The following CFAP44 variants were observed in gnomAD, a reference collection of about 807,000 sequenced individuals.
CFAP44 encodes the protein cilia and flagella associated protein 44, also known as cilia- and flagella-associated protein 44.
CFAP44 carries 134 observed loss-of-function variants against 216.2 expected under a neutral mutation model. The ratio of observed to expected loss-of-function variants is 0.62; its 90% CI spans 0.54 to 0.72. CFAP44 has a LOEUF of 0.72. Ranked by LOEUF, CFAP44 falls within the 30% of genes least tolerant of loss-of-function variation. The pLI, the probability that CFAP44 is intolerant of heterozygous loss-of-function variation, is 0.00. For synonymous variants in CFAP44, 700 were observed against 727.6 expected, an observed-to-expected ratio of 0.96 and a Z score of 0.61; for missense variants, 2,035 against 2,182.1, an observed-to-expected ratio of 0.93 and a Z score of 1.34.
At chr3:113,373,302 T>C in intron 18 of CFAP44, 109 bp downstream of exon 18, 1 of 1,080,808 alleles carries the variant, frequency 9.3e-7, no homozygotes. Context: ...ATTTTTTGAG[T>C]ACCCCTTCAT....
intron 28 of CFAP44, among the ~76,000 whole-genome samples, chr3:113,317,703 C>T (rs1950101816): frequency 1.3e-5 from 2 of 152,214 alleles, no homozygotes; most frequent in Admixed American, 1.3e-4. Context: ...GGGGAGGAGC[C>T]CTCACTCTCA....
At chr3:113,436,059 A>G (rs987071963) in intron 1 of CFAP44, among the ~76,000 whole-genome samples, 3 of 152,098 alleles carry the variant, frequency 2.0e-5, no homozygotes, top group African/African-American at 7.2e-5. Flanking sequence ...ACCTGTAAGT[A>G]GCAAAATCTT....
chr3:113,339,340 C>A (rs1950309611), intron 24 of CFAP44, among the ~76,000 whole-genome samples: 1 of 152,182 alleles, frequency 6.6e-6, no homozygotes, highest in African/African-American at 2.4e-5. Context: ...GCCCTCATTC[C>A]TTTCCTTCTT....
chr3:113,327,531 G>A (rs1363541635), intron 27 of CFAP44, 85 bp downstream of exon 27: 4 of 1,225,550 alleles, frequency 3.3e-6, no homozygotes, highest in Non-Finnish European at 3.4e-6. Flanking sequence ...AGAACAAGTG[G>A]GAGATTTGAG....
chr3:113,432,946 A>C (rs1935143225), intron 2 of CFAP44, among the ~76,000 whole-genome samples: 1 of 151,976 alleles, frequency 6.6e-6, no homozygotes, highest in African/African-American at 2.4e-5. Context: ...GGAGGTGAAA[A>C]TTCTCCTTTC....
rs1012283702 is a variant in CFAP44 at position 113,287,689 on chromosome 3, G to A, written c.*3868C>T. ...AAGGGAACCGTTGTACAACAGACCAGGAAAAACAGGTTCATAGTTCTCTTA... is the reference window on the plus strand; with the variant it reads ...AAGGGAACCGTTGTACAACAGACCAAGAAAAACAGGTTCATAGTTCTCTTA... On this transcript the variant is annotated 3_prime_UTR_variant, in exon 35 of 35. Coordinates refer to ENST00000393845, the MANE Select transcript of CFAP44 (RefSeq NM_001164496.2). 6 of 152,156 alleles carry A rather than the reference G, an allele frequency of 3.9e-5. No individual in the cohort carries two copies. The highest frequency in any genetic ancestry group is 1.4e-4 in the African/African-American group (6 of 41,424). 9.4% of individuals were successfully genotyped at this position (152,156 alleles called of 1,614,324 possible).
At chr3:113,408,254 G>A (rs1315184450) in intron 7 of CFAP44, among the ~76,000 whole-genome samples, 1 of 152,212 alleles carries the variant, frequency 6.6e-6, no homozygotes. Context: ...GGAAGAAAGA[G>A]AGAGAAAGAC....
chr3:113,321,601 T>G (rs545234481), intron 28 of CFAP44, among the ~76,000 whole-genome samples: 1 of 152,326 alleles, frequency 6.6e-6, no homozygotes, highest in South Asian at 2.1e-4. Flanking sequence ...GGTGATATGA[T>G]TCTATACTTA....
At chr3:113,369,501 G>T (rs1933076134) in intron 18 of CFAP44, among the ~76,000 whole-genome samples, 1 of 152,154 alleles carries the variant, frequency 6.6e-6, no homozygotes, top group South Asian at 2.1e-4. Flanking sequence ...CAAAATGAAG[G>T]CAGAAATAAA....
At position 113,374,363 on chromosome 3, in the gene CFAP44, T is replaced by TTTTATTTATTTATTTA. The variant is rs148186633; in HGVS notation, c.2299-823_2299-808dup. 3.6e-3 allele frequency among the ~76,000 whole-genome samples: 529 copies of TTTTATTTATTTATTTA among 146,758 alleles called. 2 individuals carry two copies. Among genetic ancestry groups the TTTTATTTATTTATTTA allele is most frequent in the African/African-American group, 5.0e-3 (201 of 39,994 alleles). ...ACTCCCTGGAGCAACTGTCAATTTC[T>TTTTATTTATTTATTTA]TTTATTTATTTATTTATTTATTTAT... On this transcript the variant is annotated intron_variant, in intron 17 of 34. Transcript: ENST00000393845.
chr3:113,288,580 C>A lies in CFAP44; in HGVS notation c.*2977G>T, dbSNP rs889405911. The A allele has an allele frequency of 1.1e-4, 17 of 152,246 alleles. No individual in the cohort carries two copies. Among genetic ancestry groups the A allele is most frequent in the Admixed American group, 9.8e-4 (15 of 15,288 alleles). The allele number at this position is 152,246 out of a possible 1,614,324, so 9.4% of individuals were successfully genotyped here. A position where few individuals can be genotyped will look rare whatever the true frequency, so the allele number is the denominator to read the frequency against. ...AGAGGCCCCCCAATCTGAGCTGTAA[C>A]TCACCTTCTAGCCCCACTGGTTTTT... On this transcript the variant is annotated 3_prime_UTR_variant, in exon 35 of 35. Transcript: ENST00000393845.
chr3:113,423,835 A>G (rs897723422), intron 4 of CFAP44, among the ~76,000 whole-genome samples: 4 of 152,230 alleles, frequency 2.6e-5, no homozygotes, highest in Non-Finnish European at 4.4e-5. Context: ...AGACTCCAGC[A>G]CAGCCACGTG....
intron 1 of CFAP44, among the ~76,000 whole-genome samples, chr3:113,440,183 C>T (rs1488838013): frequency 1.3e-5 from 2 of 152,132 alleles, no homozygotes; most frequent in Non-Finnish European, 2.9e-5. Flanking sequence ...CGTGCCTCAG[C>T]CTCCCGAGTA....
chr3:113,350,487 G>A (rs1321913770), intron 22 of CFAP44, among the ~76,000 whole-genome samples: 2 of 152,190 alleles, frequency 1.3e-5, no homozygotes, highest in Non-Finnish European at 2.9e-5. Flanking sequence ...AGAAAAGAGT[G>A]TACCCTATTC....
intron 6 of CFAP44, among the ~76,000 whole-genome samples, chr3:113,413,677 T>C (rs1196991013): frequency 6.6e-6 from 1 of 152,052 alleles, no homozygotes; most frequent in East Asian, 1.9e-4. Context: ...ATCAGATGTG[T>C]GGTGTTATTT....
chr3:113,430,613 G>A (rs1037367427), intron 2 of CFAP44, among the ~76,000 whole-genome samples: 1 of 152,062 alleles, frequency 6.6e-6, no homozygotes, highest in Non-Finnish European at 1.5e-5. Flanking sequence ...ATTGAGAAGA[G>A]AAGTGGGCAA....
chr3:113,396,494 A>G, intron 14 of CFAP44, 24 bp downstream of exon 14: 1 of 1,599,002 alleles, frequency 6.3e-7, no homozygotes, highest in East Asian at 2.2e-5. Context: ...TTCAACAAGA[A>G]AAGAAAGGAA....
At position 113,296,868 on chromosome 3, in the gene CFAP44, G is replaced by T. The variant is rs774436326; in HGVS notation, c.5095C>A (p.Arg1699=). Reference sequence around the variant, plus strand: ...CCAAACTTGCTGATCATGAGCTGCCGGACTGTTTCCTCCATTTCTAAAAGA... The same window carrying T: ...CCAAACTTGCTGATCATGAGCTGCCTGACTGTTTCCTCCATTTCTAAAAGA... ...KTIHKMEETV[R]QLMISKFGRV... Residue 1699 remains arginine (R), a synonymous_variant, in exon 33 of 35, where the codon CGG becomes AGG. Transcript: ENST00000393845. 6.5e-7 allele frequency: 1 copy of T among 1,537,088 alleles called. No homozygotes were observed. The highest frequency in any genetic ancestry group is 2.4e-5 in the East Asian group (1 of 40,930).
chr3:113,356,326 G>C (rs959971943), intron 22 of CFAP44, among the ~76,000 whole-genome samples: 1 of 151,750 alleles, frequency 6.6e-6, no homozygotes, highest in East Asian at 1.9e-4. Context: ...TATTTCTATA[G>C]ATTCCATGTA....
Sources: gnomAD v4.1 joint callset for allele counts (sites outside exome capture counted in the v4.1 genomes callset) on GRCh38, gnomAD v4.1.1 for gene constraint, MANE v1.5 for transcripts, NCBI Gene and HGNC (gene_info 2026-07-23, HGNC 2026-07-21) for gene names.